PCBP4: variants seen among roughly 807,000 people sequenced by gnomAD.
The protein encoded by PCBP4 is poly(rC)-binding protein 4.
Under a neutral mutation model 46.2 loss-of-function variants are expected in PCBP4, and 24 were observed. That is an observed-to-expected ratio of 0.52 (90% CI 0.38 to 0.73). The LOEUF (loss-of-function observed/expected upper bound fraction) is 0.73. PCBP4 is among the 30% of genes least tolerant of loss of function. The pLI is 0.00. For synonymous variants in PCBP4, 203 were observed against 224.4 expected (o/e 0.90, Z 0.85); for missense variants, 407 against 537.0 (o/e 0.76, Z 2.39).
chr3:51,959,512 C>T lies in PCBP4; in HGVS notation c.591+65G>A. ...CTGGACCTCCAATTCCTTCTTCCAT[C>T]CCCTCCTCTATCTCAATCCCCCTTC... On this transcript the variant is annotated intron_variant, in intron 9 of 13. Transcript: ENST00000461554. The surrounding 1 kb of genome is among the most constrained non-coding windows in gnomAD (Gnocchi z 5.6). 1 of 1,526,032 alleles carries T rather than the reference C, an allele frequency of 6.6e-7. No individual in the cohort carries two copies. Among genetic ancestry groups the T allele is most frequent in the Non-Finnish European group, 8.9e-7 (1 of 1,125,492 alleles). The allele number at this position is 1,526,032 out of a possible 1,614,324, so 94.5% of individuals were successfully genotyped here. A position where few individuals can be genotyped will look rare whatever the true frequency, so the allele number is the denominator to read the frequency against.
At chr3:51,961,753 TATGAGAGG>T in intron 2 of PCBP4, 180 bp downstream of exon 2, 3 of 989,694 alleles carry the variant, frequency 3.0e-6, no homozygotes, top group Admixed American at 5.8e-5. Context: ...GCTTACTCCA[TATGAGAGG>T]CACTTTCGTC....
chr3:51,957,767 C>T lies in PCBP4; in HGVS notation c.*294G>A, dbSNP rs577366741. On this transcript the variant is annotated 3_prime_UTR_variant, in exon 14 of 14. Transcript: ENST00000461554. ...GGATGGGGAGTGCGTGAGTGACACC[C>T]GCCATGGTGGGGGCACTAGGGAGTC... is the stretch of plus-strand genomic sequence containing the variant. 2.0e-5 allele frequency: 5 copies of T among 254,004 alleles called. No homozygotes were observed. In the East Asian group the frequency reaches 2.2e-4, roughly 11 times the overall value. The allele number at this position is 254,004 out of a possible 1,614,324, so 15.7% of individuals were successfully genotyped here. A position where few individuals can be genotyped will look rare whatever the true frequency, so the allele number is the denominator to read the frequency against.
chr3:51,961,359 GC>G, intron 2 of PCBP4, 55 bp from the exon 3 acceptor site: 1 of 1,474,754 alleles, frequency 6.8e-7, no homozygotes, highest in African/African-American at 1.4e-5. Flanking sequence ...CCCTGCCCCT[GC>G]CCTTACATGG....
At chr3:51,962,671 G>A (rs1700237918) in intron 1 of PCBP4, 2 of 152,290 alleles carry the variant, frequency 1.3e-5, no homozygotes, top group Non-Finnish European at 2.9e-5. Flanking sequence ...AAAGGGCATG[G>A]AGTTCTGTCC....
chr3:51,959,717 G>C lies in PCBP4; in HGVS notation c.517-66C>G. On this transcript the variant is annotated intron_variant, in intron 8 of 13. Coordinates refer to ENST00000461554, the MANE Select transcript of PCBP4 (RefSeq NM_001174100.2). The surrounding 1 kb of genome is among the most constrained non-coding windows in gnomAD (Gnocchi z 5.6). ...CTCCGATAACCTCCCCAGCTGCCCA[G>C]TGGCCTCAGGCCCCCACCATGACCC... 1 of 1,484,998 alleles carries C rather than the reference G, an allele frequency of 6.7e-7. No individual in the cohort carries two copies. The highest frequency in any genetic ancestry group is 9.2e-7 in the Non-Finnish European group (1 of 1,089,364). The allele number at this position is 1,484,998 out of a possible 1,614,324, so 92.0% of individuals were successfully genotyped here.
rs199516994 is a variant in PCBP4, at chr3:51,958,301, G to C, written c.972C>G (p.Pro324=). 90 of 1,543,474 alleles carry C rather than the reference G, an allele frequency of 5.8e-5. No individual in the cohort carries two copies. The highest frequency in any genetic ancestry group is 7.8e-5 in the Non-Finnish European group (89 of 1,146,722). The stretch of plus-strand genomic sequence containing the variant: ...GCGAGAAGGGGGCAGGCAGGTCTGC[G>C]GGGGCCGAGCTGGGCGTCCCCCCAG... The part of the protein sequence containing the change: ...STSGGTPSSA[P]ADLPAPFSPP... The change falls in exon 14 of 14, where the codon CCC becomes CCG. Residue 324 remains proline (P), a synonymous_variant. Transcript: ENST00000461554. This position sits in a 1 kb window ranked among gnomAD's most constrained non-coding sequence, Gnocchi z 5.4.
In PCBP4 at chr3:51,959,787, C is replaced by A. The variant is rs112976789; in HGVS notation, c.516+108G>T. ...CCCTGGAGCTCATCATCCATCCCTG[C>A]AGCCCTGCCCTGCCCCACCTGCAGC... On this transcript the variant is annotated intron_variant, in intron 8 of 13. Coordinates refer to ENST00000461554, the MANE Select transcript of PCBP4 (RefSeq NM_001174100.2). This position sits in a 1 kb window ranked among gnomAD's most constrained non-coding sequence, Gnocchi z 5.6. 4.4e-3 allele frequency: 6,570 copies of A among 1,505,838 alleles called. 241 individuals carry two copies. The African/African-American group carries it at 0.077, about 18-fold the overall frequency. 93.3% of individuals were successfully genotyped at this position (1,505,838 alleles called of 1,614,324 possible).
At chr3:51,964,197 G>A (rs1161105896) in intron 1 of PCBP4, among the ~76,000 whole-genome samples, 1 of 152,220 alleles carries the variant, frequency 6.6e-6, no homozygotes, top group Non-Finnish European at 1.5e-5. Context: ...GGCTGGAGGA[G>A]GCGGGGGGGT....
In PCBP4 at chr3:51,959,192, G is replaced by T. The variant is rs746871985; in HGVS notation, c.700+37C>A. The stretch of plus-strand genomic sequence containing the variant: ...GGAAGGGAGGGGGCTGCCCTCTTAG[G>T]ACCCTCCCCCTGCCTCCTTGTGCAG... On this transcript the variant is annotated intron_variant, in intron 11 of 13. Transcript: ENST00000461554. This position sits in a 1 kb window ranked among gnomAD's most constrained non-coding sequence, Gnocchi z 5.6. The T allele has an allele frequency of 1.2e-5, 20 of 1,613,196 alleles. No homozygotes were observed. The highest frequency in any genetic ancestry group is 1.6e-5 in the Non-Finnish European group (19 of 1,179,372).
Position 51,961,204 on chromosome 3 carries a change from C to G in PCBP4, c.37G>C (p.Glu13Gln), listed in dbSNP as rs747778562. The G allele has an allele frequency of 6.2e-7, 1 of 1,613,272 alleles. No homozygotes were observed. The highest frequency in any genetic ancestry group is 1.3e-5 in the African/African-American group (1 of 75,070). ...CGCAGCGTGAGGGTGATGCTGAGCTCTGGCTCCTCCTCCAGTCCCCCGTCC... is the reference window on the plus strand; with the variant it reads ...CGCAGCGTGAGGGTGATGCTGAGCTGTGGCTCCTCCTCCAGTCCCCCGTCC... ...GSDGGLEEEP[E>Q]LSITLTLRML... The change falls in exon 3 of 14, where the codon GAG becomes CAG. Residue 13 changes from glutamate (E) to glutamine (Q), a missense_variant. Physicochemically the swap from Glu to Gln is conservative, Grantham distance 29 (BLOSUM62 2). Coordinates refer to ENST00000461554, the MANE Select transcript of PCBP4 (RefSeq NM_001174100.2).
Position 51,958,317 on chromosome 3 carries a change from G to T in PCBP4, c.956C>A (p.Thr319Lys), listed in dbSNP as rs753675114. The T allele has an allele frequency of 2.0e-6, 3 of 1,526,902 alleles. No individual in the cohort carries two copies. The highest frequency in any genetic ancestry group is 8.8e-7 in the Non-Finnish European group (1 of 1,139,158). The allele number at this position is 1,526,902 out of a possible 1,614,324, so 94.6% of individuals were successfully genotyped here. A position where few individuals can be genotyped will look rare whatever the true frequency, so the allele number is the denominator to read the frequency against. ...LETAKSTSGG[T>K]PSSAPADLPA... ...CAGGTCTGCGGGGGCCGAGCTGGGC[G>T]TCCCCCCAGAGGTAGACTTGGCCGT... Residue 319 changes from threonine (T) to lysine (K), a missense_variant, in exon 14 of 14, where the codon ACG becomes AAG. By Grantham distance (78) the Thr-to-Lys change is moderately conservative (BLOSUM62 -1). Coordinates refer to ENST00000461554, the MANE Select transcript of PCBP4 (RefSeq NM_001174100.2). This position sits in a 1 kb window ranked among gnomAD's most constrained non-coding sequence, Gnocchi z 5.4.
Position 51,960,272 on chromosome 3 carries a change from C to A in PCBP4, c.304G>T (p.Val102Leu). 6.2e-7 allele frequency: 1 copy of A among 1,614,100 alleles called. No homozygotes were observed. Among genetic ancestry groups the A allele is most frequent in the Non-Finnish European group, 8.5e-7 (1 of 1,180,036 alleles). The change falls in exon 7 of 14, where the codon GTG becomes TTG. Residue 102 changes from valine (V) to leucine (L), a missense_variant. Physicochemically the swap from Val to Leu is conservative, Grantham distance 32 (BLOSUM62 1). Coordinates refer to ENST00000461554, the MANE Select transcript of PCBP4 (RefSeq NM_001174100.2). The surrounding 1 kb of genome is among the most constrained non-coding windows in gnomAD (Gnocchi z 5.0). ...GCAGGGATGACAAGGCGCAGGGTCA[C>A]TGGAGGCCTGGAGACATTTCCACCA... is the stretch of plus-strand genomic sequence containing the variant. ...ANGGNVSRPP[V>L]TLRLVIPASQ...
Position 51,957,884 on chromosome 3 carries a change from T to G in PCBP4, c.*177A>C, listed in dbSNP as rs1205572745. 8 of 557,228 alleles carry G rather than the reference T, an allele frequency of 1.4e-5. No individual in the cohort carries two copies. In the East Asian group the frequency reaches 1.6e-4, roughly 11 times the overall value. The allele number at this position is 557,228 out of a possible 1,614,324, so 34.5% of individuals were successfully genotyped here. ...CAGCTCAGACCCCTGGGCCAGAAAC[T>G]GCCCCCACTCTGAGAGAAAGAACTC... is the stretch of plus-strand genomic sequence containing the variant. On this transcript the variant is annotated 3_prime_UTR_variant, in exon 14 of 14. Transcript: ENST00000461554.
rs1459413216 is a variant in PCBP4, at chr3:51,959,947, A to AC, written c.463dup (p.Val155GlyfsTer3). 6.2e-7 allele frequency: 1 copy of AC among 1,610,736 alleles called. No homozygotes were observed. Among genetic ancestry groups the AC allele is most frequent in the African/African-American group, 1.3e-5 (1 of 74,790 alleles). On this transcript the variant is annotated frameshift_variant, in exon 8 of 14. Transcript: ENST00000461554. LOFTEE classifies it high-confidence loss of function. The surrounding 1 kb of genome is among the most constrained non-coding windows in gnomAD (Gnocchi z 5.6). ...CACACACAGGATGATGGCATCAGGC[A>AC]CCCCAGATACCGTAACAGCTCGCTC...
At chr3:51,965,614 A>G (rs1214467726) in intron 1 of PCBP4, among the ~76,000 whole-genome samples, 1 of 152,224 alleles carries the variant, frequency 6.6e-6, no homozygotes, top group Non-Finnish European at 1.5e-5. Context: ...TGCAGGGAGA[A>G]GAGTTAAGGT....
At chr3:51,965,922 T>TG (rs1577697715) in intron 1 of PCBP4, among the ~76,000 whole-genome samples, 1 of 149,234 alleles carries the variant, frequency 6.7e-6, no homozygotes, top group South Asian at 2.1e-4. Flanking sequence ...GAAGAAGGGC[T>TG]GGGGGGTGGG....
rs1342799392 is a variant in PCBP4, at chr3:51,959,012, C to G, written c.753+35G>C. On this transcript the variant is annotated intron_variant, in intron 12 of 13. Transcript: ENST00000461554. The surrounding 1 kb of genome is among the most constrained non-coding windows in gnomAD (Gnocchi z 5.6). ...GGTGAGGTCCAGACCCCCAGACCCC[C>G]TACCCACCCTCCAGCCATCCCATCC... is the stretch of plus-strand genomic sequence containing the variant. 1.2e-6 allele frequency: 2 copies of G among 1,613,298 alleles called. No individual in the cohort carries two copies. The highest frequency in any genetic ancestry group is 1.1e-5 in the South Asian group (1 of 90,994).
At position 51,957,926 on chromosome 3, in the gene PCBP4, G is replaced by T; in HGVS notation, c.*135C>A. 1 of 785,224 alleles carries T rather than the reference G, an allele frequency of 1.3e-6. No homozygotes were observed. The allele number at this position is 785,224 out of a possible 1,614,324, so 48.6% of individuals were successfully genotyped here. A position where few individuals can be genotyped will look rare whatever the true frequency, so the allele number is the denominator to read the frequency against. Reference sequence around the variant, plus strand: ...AAAGAACTCCCATAGATGGAGGCAGGGTAGGGGGTGCATCCATGCGTCTGG... The same window carrying T: ...AAAGAACTCCCATAGATGGAGGCAGTGTAGGGGGTGCATCCATGCGTCTGG... On this transcript the variant is annotated 3_prime_UTR_variant, in exon 14 of 14. Coordinates refer to ENST00000461554, the MANE Select transcript of PCBP4 (RefSeq NM_001174100.2).
chr3:51,964,478 G>A (rs114676309), intron 1 of PCBP4, among the ~76,000 whole-genome samples: 1,675 of 152,292 alleles, frequency 0.011, 44 homozygotes, highest in African/African-American at 0.038. Flanking sequence ...GCTAGGGCCT[G>A]TGGACCCACC....
Sources: allele counts gnomAD v4.1 joint callset (sites outside exome capture counted in the v4.1 genomes callset), GRCh38; gene constraint gnomAD v4.1.1; non-coding constraint Gnocchi (gnomAD v3.1); transcripts MANE v1.5; gene names NCBI Gene and HGNC (gene_info 2026-07-23, HGNC 2026-07-21).